The following GALNT18 variants were observed in gnomAD, a reference collection of about 807,000 sequenced individuals.
GALNT18 encodes GalNAc-transferase 18.
In GALNT18, 44 loss-of-function variants were observed where a neutral mutation model predicts 69.5. The ratio of observed to expected loss-of-function variants is 0.63; its 90% confidence interval spans 0.50 to 0.81. The LOEUF (loss-of-function observed/expected upper bound fraction) is 0.81. Ranked by LOEUF, GALNT18 falls within the 40% of genes least tolerant of loss-of-function variation. GALNT18 has a pLI of 0.00. For missense variants in GALNT18, 715 were observed against 810.0 expected (o/e 0.88, Z 1.42); for synonymous variants, 364 against 318.2 (o/e 1.14, Z -1.53).
chr11:11,416,337 C>T lies in GALNT18; in HGVS notation c.595+16284G>A, dbSNP rs114524408. ...CCCACTGTCTGATGGAGAACCCGCT[C>T]TGCACCTCCTGATCTCATCAGCAGG... On this transcript the variant is annotated intron_variant, in intron 3 of 10. Coordinates refer to ENST00000227756, the MANE Select transcript of GALNT18 (RefSeq NM_198516.3). Among the ~76,000 whole-genome samples the T allele has an allele frequency of 5.2e-3, 796 of 152,328 alleles. 6 individuals carry two copies. The highest frequency in any genetic ancestry group is 0.018 in the African/African-American group (759 of 41,570).
At chr11:11,481,843 A>T (rs188089589) in intron 1 of GALNT18, among the ~76,000 whole-genome samples, 2 of 152,188 alleles carry the variant, frequency 1.3e-5, no homozygotes, top group Non-Finnish European at 2.9e-5. Flanking sequence ...CCTTGTTTGA[A>T]TTATCACAGT....
At chr11:11,558,573 G>C (rs1858389269) in intron 1 of GALNT18, among the ~76,000 whole-genome samples, 1 of 152,232 alleles carries the variant, frequency 6.6e-6, no homozygotes, top group Admixed American at 6.5e-5. Flanking sequence ...GAGTCAGGCA[G>C]CATTTCCACC....
rs917221128 is a variant in GALNT18, at chr11:11,563,978, T to C, written c.235+57381A>G. Among the ~76,000 whole-genome samples the C allele has an allele frequency of 2.0e-5, 3 of 152,160 alleles. No homozygotes were observed. Among genetic ancestry groups the C allele is most frequent in the African/African-American group, 4.8e-5 (2 of 41,448 alleles). ...AAAGAGCTATGCTGATCTGACATGA[T>C]GGCTTGCTCCAACGCCCTAAAAACC... On this transcript the variant is annotated intron_variant, in intron 1 of 10. Coordinates refer to ENST00000227756, the MANE Select transcript of GALNT18 (RefSeq NM_198516.3). The surrounding 1 kb of genome is among the most constrained non-coding windows in gnomAD (Gnocchi z 4.6).
chr11:11,590,314 C>G lies in GALNT18; in HGVS notation c.235+31045G>C, dbSNP rs1400843395. The stretch of plus-strand genomic sequence containing the variant: ...TATCTGCCGATTGCATGCAAGGGGT[C>G]ACGCAGAAAGCGACAGGGCCCAAGC... On this transcript the variant is annotated intron_variant, in intron 1 of 10. Transcript: ENST00000227756. The surrounding 1 kb of genome is among the most constrained non-coding windows in gnomAD (Gnocchi z 4.4). 2.6e-5 allele frequency among the ~76,000 whole-genome samples: 4 copies of G among 152,180 alleles called. No homozygotes were observed. Among genetic ancestry groups the G allele is most frequent in the Non-Finnish European group, 5.9e-5 (4 of 68,044 alleles).
rs1403290941 is a variant in GALNT18 at position 11,494,389 on chromosome 11, T to A, written c.236-45453A>T. ...AGTCTATATTTGCCAGTGGCCATCT[T>A]GTCTGAGAATGACAACCTACTTCAA... is the stretch of plus-strand genomic sequence containing the variant. On this transcript the variant is annotated intron_variant, in intron 1 of 10. Coordinates refer to ENST00000227756, the MANE Select transcript of GALNT18 (RefSeq NM_198516.3). This position sits in a 1 kb window ranked among gnomAD's most constrained non-coding sequence, Gnocchi z 5.7. Among the ~76,000 whole-genome samples the A allele has an allele frequency of 6.6e-6, 1 of 152,216 alleles. No individual in the cohort carries two copies.
At chr11:11,355,231 G>T (rs1268252925) in intron 6 of GALNT18, among the ~76,000 whole-genome samples, 1 of 152,204 alleles carries the variant, frequency 6.6e-6, no homozygotes, top group Non-Finnish European at 1.5e-5. Context: ...TGTTGTAGGA[G>T]ATGGGAATCT....
At chr11:11,354,409 C>T (rs1039451770) in intron 6 of GALNT18, among the ~76,000 whole-genome samples, 29 of 152,200 alleles carry the variant, frequency 1.9e-4, no homozygotes, top group African/African-American at 6.8e-4. Flanking sequence ...AGCATAGCCT[C>T]TGGGGCCAAA....
chr11:11,355,464 G>C (rs941049826), intron 6 of GALNT18, among the ~76,000 whole-genome samples: 1 of 152,070 alleles, frequency 6.6e-6, no homozygotes, highest in Non-Finnish European at 1.5e-5. Flanking sequence ...TGGTTTGCTG[G>C]GGACTATTCT....
In GALNT18 at chr11:11,616,127, C is replaced by T. The variant is rs755928354; in HGVS notation, c.235+5232G>A. Reference sequence around the variant, plus strand: ...CTGGGATTATAGGTATAAGCCACCACGCCTGGCCAAACACTGATAGTCTTA... The same window carrying T: ...CTGGGATTATAGGTATAAGCCACCATGCCTGGCCAAACACTGATAGTCTTA... On this transcript the variant is annotated intron_variant, in intron 1 of 10. Coordinates refer to ENST00000227756, the MANE Select transcript of GALNT18 (RefSeq NM_198516.3). This position sits in a 1 kb window ranked among gnomAD's most constrained non-coding sequence, Gnocchi z 4.4. Among the ~76,000 whole-genome samples the T allele has an allele frequency of 5.9e-5, 9 of 152,064 alleles. No individual in the cohort carries two copies. The highest frequency in any genetic ancestry group is 2.1e-4 in the South Asian group (1 of 4,822).
chr11:11,274,712 CCT>C (rs2132975172), intron 10 of GALNT18, among the ~76,000 whole-genome samples: 1 of 152,258 alleles, frequency 6.6e-6, no homozygotes, highest in Admixed American at 6.5e-5. Flanking sequence ...CCCTCCACTC[CCT>C]GACAAGCCCC....
chr11:11,581,752 C>G (rs1171054658), intron 1 of GALNT18, among the ~76,000 whole-genome samples: 1 of 152,156 alleles, frequency 6.6e-6, no homozygotes, highest in Non-Finnish European at 1.5e-5. Context: ...ATGCATGTGG[C>G]TGCTGCATCT....
At position 11,389,215 on chromosome 11, in the gene GALNT18, C is replaced by T. The variant is rs918859041; in HGVS notation, c.596-9951G>A. 9.2e-5 allele frequency among the ~76,000 whole-genome samples: 14 copies of T among 152,206 alleles called. No individual in the cohort carries two copies. Among genetic ancestry groups the T allele is most frequent in the Admixed American group, 1.3e-4 (2 of 15,282 alleles). On this transcript the variant is annotated intron_variant, in intron 3 of 10. Transcript: ENST00000227756. This position sits in a 1 kb window ranked among gnomAD's most constrained non-coding sequence, Gnocchi z 4.3. ...GGAGCAGGATTCGAACTCAGGCCTG[C>T]TTGCCTCTGAAGACTTGGCTCTTTT...
At chr11:11,472,373 T>C (rs567786601) in intron 1 of GALNT18, among the ~76,000 whole-genome samples, 1 of 152,366 alleles carries the variant, frequency 6.6e-6, no homozygotes, top group African/African-American at 2.4e-5. Flanking sequence ...ACTGACTTCA[T>C]GTATTTCTCA....
At chr11:11,330,665 A>G (rs1850001879) in intron 8 of GALNT18, among the ~76,000 whole-genome samples, 3 of 152,240 alleles carry the variant, frequency 2.0e-5, no homozygotes, top group Non-Finnish European at 4.4e-5. Flanking sequence ...CTGGACTCAG[A>G]CAGATCTAGA....
chr11:11,330,143 C>T (rs977672792), intron 8 of GALNT18, among the ~76,000 whole-genome samples: 1 of 152,138 alleles, frequency 6.6e-6, no homozygotes, highest in Admixed American at 6.5e-5. Context: ...GTCCTTAGGC[C>T]TGCAGGAGTC....
chr11:11,565,595 G>A (rs967698233), intron 1 of GALNT18, among the ~76,000 whole-genome samples: 1 of 152,314 alleles, frequency 6.6e-6, no homozygotes, highest in East Asian at 1.9e-4. Context: ...CCTGCACCAT[G>A]GAGGAATCCA....
At chr11:11,434,622 C>T (rs1855356514) in intron 2 of GALNT18, among the ~76,000 whole-genome samples, 1 of 152,144 alleles carries the variant, frequency 6.6e-6, no homozygotes, top group African/African-American at 2.4e-5. Context: ...GGATCAGAAA[C>T]TTAAATGGCA....
rs1311269356 is a variant in GALNT18 at position 11,587,929 on chromosome 11, G to A, written c.235+33430C>T. 6.6e-6 allele frequency among the ~76,000 whole-genome samples: 1 copy of A among 152,124 alleles called. No individual in the cohort carries two copies. Among genetic ancestry groups the A allele is most frequent in the Admixed American group, 6.5e-5 (1 of 15,278 alleles). On this transcript the variant is annotated intron_variant, in intron 1 of 10. Coordinates refer to ENST00000227756, the MANE Select transcript of GALNT18 (RefSeq NM_198516.3). This position sits in a 1 kb window ranked among gnomAD's most constrained non-coding sequence, Gnocchi z 4.4. ...AAGCCTTTCTACTAATTCACTAAGA[G>A]TGGCATGTCTCTACCAATAAATTAC...
chr11:11,457,660 C>T (rs1179419500), intron 1 of GALNT18, among the ~76,000 whole-genome samples: 1 of 152,228 alleles, frequency 6.6e-6, no homozygotes, highest in Non-Finnish European at 1.5e-5. Flanking sequence ...CTAGTCTGTG[C>T]ACTCTCTGGG....
Sources: gnomAD v4.1 joint callset for allele counts (sites outside exome capture counted in the v4.1 genomes callset) on GRCh38, gnomAD v4.1.1 for gene constraint, Gnocchi (gnomAD v3.1) non-coding constraint, MANE v1.5 for transcripts, NCBI Gene and HGNC (gene_info 2026-07-23, HGNC 2026-07-21) for gene names.